DLG2: variants seen among roughly 807,000 people sequenced by gnomAD.
DLG2 encodes the protein discs large MAGUK scaffold protein 2, also known as disks large homolog 2.
Under a neutral mutation model 132.5 loss-of-function variants are expected in DLG2, and 45 were observed. The ratio of observed to expected loss-of-function variants is 0.34; its 90% CI spans 0.27 to 0.44. The LOEUF is 0.44. Among genes scored for constraint, DLG2 ranks in the 20% least tolerant of loss-of-function variants. The pLI, the probability that DLG2 is intolerant of heterozygous loss-of-function variation, is 1.00. For missense variants in DLG2, 1,045 were observed against 1,196.9 expected (o/e 0.87, Z 1.87); for synonymous variants, 424 against 419.6 (o/e 1.01, Z -0.13).
At chr11:84,051,636 G>C (rs950831555) in intron 11 of DLG2, among the ~76,000 whole-genome samples, 1 of 131,956 alleles carries the variant, frequency 7.6e-6, no homozygotes, top group African/African-American at 2.8e-5. Context: ...GGGTGGGGGA[G>C]GGGGGAGGGA....
chr11:83,707,189 C>T (rs558872793), intron 18 of DLG2, among the ~76,000 whole-genome samples: 1 of 152,158 alleles, frequency 6.6e-6, no homozygotes, highest in South Asian at 2.1e-4. Context: ...AGCCCTAGAA[C>T]AACACTGACT....
At chr11:83,936,214 C>T (rs917535184) in intron 14 of DLG2, among the ~76,000 whole-genome samples, 3 of 152,200 alleles carry the variant, frequency 2.0e-5, no homozygotes, top group Non-Finnish European at 4.4e-5. Flanking sequence ...AAGTAACAAT[C>T]GATGGCTTTT....
chr11:84,175,992 T>C (rs1031464950), intron 8 of DLG2, among the ~76,000 whole-genome samples: 4 of 152,106 alleles, frequency 2.6e-5, no homozygotes, highest in African/African-American at 9.7e-5. Flanking sequence ...TATCTAACAT[T>C]TTTAGATTAT....
intron 6 of DLG2, among the ~76,000 whole-genome samples, chr11:85,012,035 A>G (rs1403553306): frequency 6.6e-6 from 1 of 152,104 alleles, no homozygotes; most frequent in Non-Finnish European, 1.5e-5. Flanking sequence ...TTAAAATACA[A>G]TGTGGGCCAG....
At chr11:83,502,122 A>G (rs966823936) in intron 21 of DLG2, among the ~76,000 whole-genome samples, 11 of 152,198 alleles carry the variant, frequency 7.2e-5, no homozygotes, top group African/African-American at 2.4e-4. Context: ...AGTGCTTTAC[A>G]TGGATTAATC....
At chr11:83,814,355 CCTATTTT>C (rs2048249197) in intron 17 of DLG2, among the ~76,000 whole-genome samples, 1 of 152,128 alleles carries the variant, frequency 6.6e-6, no homozygotes, top group African/African-American at 2.4e-5. Flanking sequence ...TTTCCTATTT[CCTATTTT>C]TAGGAATTCA....
intron 3 of DLG2, among the ~76,000 whole-genome samples, chr11:85,516,362 C>A (rs564067858): frequency 6.6e-6 from 1 of 152,048 alleles, no homozygotes; most frequent in African/African-American, 2.4e-5. Flanking sequence ...CACAAATTAA[C>A]AACCTAACAT....
intron 6 of DLG2, among the ~76,000 whole-genome samples, chr11:84,807,923 T>G (rs532218414): frequency 6.6e-6 from 1 of 152,176 alleles, no homozygotes. Flanking sequence ...CACTCCTTTA[T>G]TGACAATTCA....
chr11:84,037,419 T>C (rs1017140654), intron 11 of DLG2, among the ~76,000 whole-genome samples: 1 of 152,140 alleles, frequency 6.6e-6, no homozygotes, highest in African/African-American at 2.4e-5. Context: ...TCAGTTTCTT[T>C]TAGTTAGAGA....
intron 18 of DLG2, among the ~76,000 whole-genome samples, chr11:83,724,476 TGA>T (rs59782952): frequency 0.12 from 13,660 of 117,722 alleles, 775 homozygotes; most frequent in Middle Eastern, 0.19. Context: ...TGTGTGTGTG[TGA>T]GAGAGAGAGA....
At chr11:84,775,606 T>C (rs1382563306) in intron 6 of DLG2, among the ~76,000 whole-genome samples, 1 of 152,060 alleles carries the variant, frequency 6.6e-6, no homozygotes, top group Non-Finnish European at 1.5e-5. Flanking sequence ...AGTGAAATCA[T>C]GTTCTTTGCA....
chr11:83,910,694 T>G (rs1306784302), intron 15 of DLG2, among the ~76,000 whole-genome samples: 7 of 152,088 alleles, frequency 4.6e-5, no homozygotes, highest in Admixed American at 6.6e-5. Flanking sequence ...CTTTAAAAAC[T>G]TAAAAGATTA....
intron 6 of DLG2, among the ~76,000 whole-genome samples, chr11:84,676,223 G>C (rs1488375323): frequency 2.0e-5 from 3 of 152,058 alleles, no homozygotes; most frequent in Non-Finnish European, 4.4e-5. Context: ...TTGGCTGTTT[G>C]TGTATAAGAA....
chr11:84,005,801 T>C (rs566940244), intron 11 of DLG2, among the ~76,000 whole-genome samples: 5 of 151,852 alleles, frequency 3.3e-5, no homozygotes, highest in African/African-American at 9.6e-5. Context: ...GAATGGCTAT[T>C]ATTAAAAAGA....
intron 6 of DLG2, among the ~76,000 whole-genome samples, chr11:84,924,292 A>G (rs553084571): frequency 7.7e-4 from 118 of 152,278 alleles, no homozygotes; most frequent in African/African-American, 2.7e-3. Context: ...GGCAAAATGC[A>G]AGCAGAAATG....
At chr11:84,875,869 C>T (rs903829505) in intron 6 of DLG2, among the ~76,000 whole-genome samples, 26 of 152,192 alleles carry the variant, frequency 1.7e-4, no homozygotes, top group Middle Eastern at 3.4e-3. Context: ...TCCTGAGTAA[C>T]GAGGATTACA....
chr11:84,247,091 T>C (rs2097311858), intron 8 of DLG2, among the ~76,000 whole-genome samples: 1 of 152,070 alleles, frequency 6.6e-6, no homozygotes, highest in African/African-American at 2.4e-5. Flanking sequence ...ATCAAAGAGG[T>C]CAGAATATTA....
chr11:85,049,591 T>C (rs2062696667), intron 6 of DLG2, among the ~76,000 whole-genome samples: 1 of 152,088 alleles, frequency 6.6e-6, no homozygotes. Flanking sequence ...CATGTGATAA[T>C]AGCTGAAATT....
chr11:85,155,948 G>T (rs1362634126), intron 4 of DLG2, among the ~76,000 whole-genome samples: 1 of 152,062 alleles, frequency 6.6e-6, no homozygotes, highest in African/African-American at 2.4e-5. Context: ...GCTCCCAAAT[G>T]GTTTTTGCCA....
Sources: allele counts gnomAD v4.1 joint callset (sites outside exome capture counted in the v4.1 genomes callset), GRCh38; gene constraint gnomAD v4.1.1; transcripts MANE v1.5; gene names NCBI Gene and HGNC (gene_info 2026-07-23, HGNC 2026-07-21).